Variants in PLXNA2 observed in about 807,000 individuals in gnomAD.
PLXNA2 encodes the protein plexin-A2.
Under a neutral mutation model 193.5 loss-of-function variants are expected in PLXNA2, and 91 were observed. The observed-to-expected ratio is 0.47, with a 90% CI of 0.40 to 0.56. The LOEUF is 0.56. Among genes scored for constraint, PLXNA2 ranks in the 20% least tolerant of loss-of-function variants. PLXNA2 has a pLI of 0.00. For synonymous variants in PLXNA2, 997 were observed against 1,027.3 expected, an observed-to-expected ratio of 0.97 and a Z score of 0.56; for missense variants, 1,995 against 2,503.2, an observed-to-expected ratio of 0.80 and a Z score of 4.33.
intron 12 of PLXNA2, among the ~76,000 whole-genome samples, chr1:208,070,718 C>T (rs1665950125): frequency 6.6e-6 from 1 of 152,226 alleles, no homozygotes; most frequent in Non-Finnish European, 1.5e-5. Context: ...CATAGTGCTT[C>T]AGTGTTCTCA....
chr1:208,121,496 G>A (rs1278881346), intron 4 of PLXNA2, among the ~76,000 whole-genome samples: 1 of 152,160 alleles, frequency 6.6e-6, no homozygotes, highest in Non-Finnish European at 1.5e-5. Flanking sequence ...TTTCCCTCAT[G>A]CTGTTCTCGT....
In PLXNA2 at chr1:208,060,718, C is replaced by A; in HGVS notation, c.2706G>T (p.Thr902=). ...CGATGATGTATTCCCCTGGGAGGGG[C>A]GTGCAGGGCACCCCAGCCACCTGCA... ...HHVQVAGVPC[T]PLPGEYIIAE... The change falls in exon 13 of 32, where the codon ACG becomes ACT. Residue 902 remains threonine, a synonymous_variant. Transcript: ENST00000367033. The A allele has an allele frequency of 6.2e-7, 1 of 1,613,830 alleles. No homozygotes were observed. Among genetic ancestry groups the A allele is most frequent in the African/African-American group, 1.3e-5 (1 of 75,004 alleles).
intron 3 of PLXNA2, among the ~76,000 whole-genome samples, chr1:208,182,693 C>G (rs1669882571): frequency 1.3e-5 from 2 of 151,786 alleles, no homozygotes; most frequent in Admixed American, 6.6e-5. Flanking sequence ...TCCTGCTTTC[C>G]CCTGTAGTTC....
At position 208,062,723 on chromosome 1, in the gene PLXNA2, G is replaced by T. The variant is rs187854899; in HGVS notation, c.2587-1886C>A. Among the ~76,000 whole-genome samples the T allele has an allele frequency of 8.7e-4, 133 of 152,336 alleles. 1 individual carries two copies. The highest frequency in any genetic ancestry group is 3.1e-3 in the African/African-American group (127 of 41,574). On this transcript the variant is annotated intron_variant, in intron 12 of 31. Coordinates refer to ENST00000367033, the MANE Select transcript of PLXNA2 (RefSeq NM_025179.4). Reference sequence around the variant, plus strand: ...GAGATATAGTCAAGGGGGCTCAGAGGTGTCTCTGTATGCTGGGGGTGAGGG... The same window carrying T: ...GAGATATAGTCAAGGGGGCTCAGAGTTGTCTCTGTATGCTGGGGGTGAGGG...
chr1:208,231,834 G>C (rs1247279319), intron 1 of PLXNA2, among the ~76,000 whole-genome samples: 1 of 152,208 alleles, frequency 6.6e-6, no homozygotes, highest in African/African-American at 2.4e-5. Flanking sequence ...AGTTAAACAT[G>C]TCACTTGGCT....
chr1:208,116,169 C>G (rs1237029651), intron 4 of PLXNA2, among the ~76,000 whole-genome samples: 1 of 152,220 alleles, frequency 6.6e-6, no homozygotes, highest in African/African-American at 2.4e-5. Context: ...AATCCCTGGG[C>G]CCTCCCTCCT....
chr1:208,220,908 C>A (rs1671307705), intron 1 of PLXNA2, among the ~76,000 whole-genome samples: 1 of 152,202 alleles, frequency 6.6e-6, no homozygotes, highest in Non-Finnish European at 1.5e-5. Context: ...AGAGCTCAGT[C>A]TGGGAAGCAT....
chr1:208,171,429 A>C (rs1326248895), intron 3 of PLXNA2, among the ~76,000 whole-genome samples: 1 of 152,244 alleles, frequency 6.6e-6, no homozygotes, highest in Non-Finnish European at 1.5e-5. Flanking sequence ...ATAAATTCTG[A>C]GTTAGTCCCC....
intron 1 of PLXNA2, among the ~76,000 whole-genome samples, chr1:208,222,623 G>T (rs960550134): frequency 6.6e-6 from 1 of 152,152 alleles, no homozygotes; most frequent in Non-Finnish European, 1.5e-5. Flanking sequence ...GGCGTCAGTG[G>T]CAAAGCAGGG....
chr1:208,138,069 A>G (rs1668355231), intron 4 of PLXNA2, among the ~76,000 whole-genome samples: 1 of 152,226 alleles, frequency 6.6e-6, no homozygotes, highest in Non-Finnish European at 1.5e-5. Flanking sequence ...ATGATATCTT[A>G]AAAGGTCTCA....
Position 208,028,181 on chromosome 1 carries a change from C to T in PLXNA2, c.5439-22G>A. ...GTATCTGCCAGAGACAGGATAGGCGCCTTGGTGGAGGCCTCAGCAAACATT... is the reference window on the plus strand; with the variant it reads ...GTATCTGCCAGAGACAGGATAGGCGTCTTGGTGGAGGCCTCAGCAAACATT... On this transcript the variant is annotated intron_variant, in intron 30 of 31. Transcript: ENST00000367033. This position sits in a 1 kb window ranked among gnomAD's most constrained non-coding sequence, Gnocchi z 4.2. The T allele has an allele frequency of 6.3e-7, 1 of 1,588,492 alleles. No homozygotes were observed. Among genetic ancestry groups the T allele is most frequent in the Non-Finnish European group, 8.6e-7 (1 of 1,166,082 alleles).
At chr1:208,055,616 A>G (rs1406918940) in intron 13 of PLXNA2, among the ~76,000 whole-genome samples, 2 of 152,042 alleles carry the variant, frequency 1.3e-5, no homozygotes, top group African/African-American at 4.8e-5. Context: ...GAGTCAGAAA[A>G]ACAGACCCCA....
At chr1:208,195,650 T>TTG (rs1192919812) in intron 3 of PLXNA2, among the ~76,000 whole-genome samples, 1 of 136,202 alleles carries the variant, frequency 7.3e-6, no homozygotes, top group Non-Finnish European at 1.6e-5. Context: ...AAAATGTTTT[T>TTG]TGGGGGGGGG....
intron 3 of PLXNA2, among the ~76,000 whole-genome samples, chr1:208,188,668 C>A (rs1670080506): frequency 1.3e-5 from 2 of 149,034 alleles, no homozygotes; most frequent in South Asian, 4.2e-4. Flanking sequence ...GAGATGGCAC[C>A]ACTGCACTCC....
intron 4 of PLXNA2, among the ~76,000 whole-genome samples, chr1:208,131,451 A>C (rs1296085873): frequency 6.6e-6 from 1 of 152,218 alleles, no homozygotes; most frequent in East Asian, 1.9e-4. Flanking sequence ...GTCTAAATAA[A>C]ACACATTCAA....
At chr1:208,106,443 G>A (rs1238558259) in intron 4 of PLXNA2, among the ~76,000 whole-genome samples, 1 of 152,188 alleles carries the variant, frequency 6.6e-6, no homozygotes, top group East Asian at 1.9e-4. Flanking sequence ...AAAGCGATAC[G>A]TGTTCTAAGA....
intron 1 of PLXNA2, among the ~76,000 whole-genome samples, chr1:208,242,393 G>A (rs556670012): frequency 2.0e-5 from 3 of 152,194 alleles, no homozygotes; most frequent in Admixed American, 6.5e-5. Context: ...CTGTGCGCGT[G>A]AATGGAAGGA....
intron 1 of PLXNA2, among the ~76,000 whole-genome samples, chr1:208,223,971 G>A (rs755402420): frequency 2.6e-5 from 4 of 152,156 alleles, no homozygotes; most frequent in Non-Finnish European, 4.4e-5. Flanking sequence ...GAATAAAATT[G>A]TCTAAATGTG....
At chr1:208,051,140 C>T (rs1665246089) in intron 16 of PLXNA2, 38 bp from the exon 17 acceptor site, 2 of 1,601,428 alleles carry the variant, frequency 1.2e-6, no homozygotes, top group African/African-American at 1.3e-5. Flanking sequence ...TAAAAAACCC[C>T]CTCAAATCTG....
Sources: gnomAD v4.1 joint callset for allele counts (sites outside exome capture counted in the v4.1 genomes callset) on GRCh38, gnomAD v4.1.1 for gene constraint, Gnocchi (gnomAD v3.1) non-coding constraint, MANE v1.5 for transcripts, NCBI Gene and HGNC (gene_info 2026-07-23, HGNC 2026-07-21) for gene names.